The following PEX7 variants were observed in gnomAD, a reference collection of about 807,000 sequenced individuals.
PEX7 encodes peroxisomal biogenesis factor 7, also known as PTS2 receptor.
PEX7 carries 34 observed loss-of-function variants against 47.5 expected under a neutral mutation model. The observed-to-expected ratio is 0.72, with a 90% CI of 0.54 to 0.95. PEX7 has a LOEUF of 0.95. Ranked by LOEUF, PEX7 falls within the 40% of genes least tolerant of loss-of-function variation. PEX7 has a pLI of 0.00. For synonymous variants in PEX7, 141 were observed against 148.8 expected, an observed-to-expected ratio of 0.95 and a Z score of 0.38; for missense variants, 394 against 400.3, an observed-to-expected ratio of 0.98 and a Z score of 0.13.
At chr6:136,867,877 G>T (rs1775102598) in intron 6 of PEX7, among the ~76,000 whole-genome samples, 1 of 152,068 alleles carries the variant, frequency 6.6e-6, no homozygotes, top group Admixed American at 6.6e-5. Context: ...ATTGAAGAAA[G>T]GAAATAAAAA....
At chr6:136,912,410 T>C (rs1775948085) in intron 9 of PEX7, among the ~76,000 whole-genome samples, 1 of 152,212 alleles carries the variant, frequency 6.6e-6, no homozygotes, top group African/African-American at 2.4e-5. Flanking sequence ...ATGTGCAAAG[T>C]TGGGGTCAGG....
intron 1 of PEX7, among the ~76,000 whole-genome samples, chr6:136,824,576 G>T (rs918383608): frequency 6.6e-6 from 1 of 152,138 alleles, no homozygotes; most frequent in African/African-American, 2.4e-5. Context: ...ATTCAGTCAT[G>T]TTTAAATAGA....
intron 3 of PEX7, among the ~76,000 whole-genome samples, chr6:136,829,847 G>A (rs1355918705): frequency 2.0e-5 from 3 of 152,212 alleles, no homozygotes; most frequent in African/African-American, 7.2e-5. Flanking sequence ...TGAGGCACAA[G>A]AATCATTTGA....
chr6:136,857,278 G>T (rs911672592), intron 5 of PEX7, among the ~76,000 whole-genome samples: 1 of 152,102 alleles, frequency 6.6e-6, no homozygotes, highest in East Asian at 1.9e-4. Flanking sequence ...TTACATAGCC[G>T]AATGCCTTAC....
chr6:136,913,548 A>G lies in PEX7; in HGVS notation c.*22A>G, dbSNP rs1775966657. The G allele has an allele frequency of 9.9e-6, 15 of 1,519,378 alleles. No individual in the cohort carries two copies. The highest frequency in any genetic ancestry group is 1.4e-5 in the Non-Finnish European group (15 of 1,094,344). The allele number at this position is 1,519,378 out of a possible 1,614,324, so 94.1% of individuals were successfully genotyped here. A position where few individuals can be genotyped will look rare whatever the true frequency, so the allele number is the denominator to read the frequency against. ...TTGAGATACACTACTTTGGTCAGAA[A>G]CAGAGGATGTTGGCTGAAGAACTGC... On this transcript the variant is annotated 3_prime_UTR_variant, in exon 10 of 10. Transcript: ENST00000318471.
rs142943685 is a variant in PEX7, at chr6:136,835,004, A to G, written c.339+8535A>G. 5.6e-4 allele frequency among the ~76,000 whole-genome samples: 82 copies of G among 146,948 alleles called. No individual in the cohort carries two copies. In the East Asian group the frequency reaches 0.016, roughly 28 times the overall value. On this transcript the variant is annotated intron_variant, in intron 3 of 9. Transcript: ENST00000318471. ...GCCCAGGCTGGAGTGCAATGGTGCAATCTTGGCCCACTGCAACCTCCGCCT... is the reference window on the plus strand; with the variant it reads ...GCCCAGGCTGGAGTGCAATGGTGCAGTCTTGGCCCACTGCAACCTCCGCCT...
chr6:136,900,571 G>T lies in PEX7; in HGVS notation c.903+2330G>T. 4.9e-6 allele frequency: 2 copies of T among 408,960 alleles called. No homozygotes were observed. The highest frequency in any genetic ancestry group is 1.9e-5 in the South Asian group (1 of 53,702). 25.3% of individuals were successfully genotyped at this position (408,960 alleles called of 1,614,324 possible). ...GTCTTCCGAGTTAATCTGTGTGAAG[G>T]TGATGGTGGTGTGGGTCATCCTGTG... On this transcript the variant is annotated intron_variant, in intron 9 of 9. Coordinates refer to ENST00000318471, the MANE Select transcript of PEX7 (RefSeq NM_000288.4). The surrounding 1 kb of genome is among the most constrained non-coding windows in gnomAD (Gnocchi z 4.2).
At chr6:136,845,951 G>T (rs1415328273) in intron 4 of PEX7, 122 bp from the exon 5 acceptor site, 4 of 708,810 alleles carry the variant, frequency 5.6e-6, no homozygotes, top group Non-Finnish European at 1.0e-5. Flanking sequence ...AAATCCTTGA[G>T]ATCTGTATAT....
rs953575319 is a variant in PEX7, at chr6:136,895,977, G to T, written c.804-2165G>T. ...TAGCTGTATATTAGAGCAAATTCAGGTGGACTTTTTGAATAGAATCACAGT... is the reference window on the plus strand; with the variant it reads ...TAGCTGTATATTAGAGCAAATTCAGTTGGACTTTTTGAATAGAATCACAGT... On this transcript the variant is annotated intron_variant, in intron 8 of 9. Transcript: ENST00000318471. Among the ~76,000 whole-genome samples the T allele has an allele frequency of 4.6e-5, 7 of 152,252 alleles. No individual in the cohort carries two copies. In the South Asian group the frequency reaches 1.5e-3, roughly 32 times the overall value.
At chr6:136,873,250 C>T (rs1022638901) in intron 8 of PEX7, among the ~76,000 whole-genome samples, 6 of 152,072 alleles carry the variant, frequency 3.9e-5, no homozygotes, top group South Asian at 2.1e-4. Flanking sequence ...CATAATACAC[C>T]ATTGTGTGGA....
intron 8 of PEX7, among the ~76,000 whole-genome samples, chr6:136,882,792 G>GCCTGTAACATTTTCCTTCAT (rs1775399905): frequency 6.6e-6 from 1 of 151,896 alleles, no homozygotes; most frequent in Admixed American, 6.6e-5. Context: ...TTTTTCCTCA[G>GCCTGTAACATTTTCCTTCAT]CCTGTAACAT....
chr6:136,867,274 T>G (rs1290787830), intron 6 of PEX7, among the ~76,000 whole-genome samples: 1 of 152,170 alleles, frequency 6.6e-6, no homozygotes, highest in Non-Finnish European at 1.5e-5. Context: ...TAAATATGTG[T>G]TAATATACTA....
At chr6:136,893,545 A>G (rs1214183035) in intron 8 of PEX7, among the ~76,000 whole-genome samples, 1 of 152,202 alleles carries the variant, frequency 6.6e-6, no homozygotes. Context: ...TATGAGCCGC[A>G]CAGGAGGGCT....
intron 9 of PEX7, among the ~76,000 whole-genome samples, chr6:136,901,806 A>G (rs1335657047): frequency 6.6e-6 from 1 of 152,146 alleles, no homozygotes; most frequent in Non-Finnish European, 1.5e-5. Flanking sequence ...TTGTTTTGAG[A>G]TGGAATGTTG....
chr6:136,830,912 T>C (rs980047220), intron 3 of PEX7, among the ~76,000 whole-genome samples: 1 of 152,232 alleles, frequency 6.6e-6, no homozygotes, highest in African/African-American at 2.4e-5. Flanking sequence ...GAGCATTGCT[T>C]ATAAAAACTT....
At chr6:136,837,838 ACACACACG>A (rs1774422980) in intron 3 of PEX7, among the ~76,000 whole-genome samples, 1 of 151,966 alleles carries the variant, frequency 6.6e-6, no homozygotes, top group Non-Finnish European at 1.5e-5. Context: ...ACACACACAC[ACACACACG>A]TACATGTATT....
chr6:136,848,906 G>A (rs1774683969), intron 5 of PEX7, among the ~76,000 whole-genome samples: 1 of 152,240 alleles, frequency 6.6e-6, no homozygotes, highest in Admixed American at 6.5e-5. Flanking sequence ...CTATTGATTG[G>A]AATAGTTTCA....
chr6:136,853,383 G>C (rs1174366362), intron 5 of PEX7, among the ~76,000 whole-genome samples: 1 of 152,320 alleles, frequency 6.6e-6, no homozygotes, highest in Admixed American at 6.5e-5. Context: ...ACATTAGCTA[G>C]AGGAGGAGGT....
chr6:136,865,655 G>A (rs1028740082), intron 5 of PEX7, among the ~76,000 whole-genome samples: 4 of 152,178 alleles, frequency 2.6e-5, no homozygotes, highest in African/African-American at 9.7e-5. Flanking sequence ...GCACACATCT[G>A]TAATCCCAGC....
Sources: allele counts gnomAD v4.1 joint callset (sites outside exome capture counted in the v4.1 genomes callset), GRCh38; gene constraint gnomAD v4.1.1; non-coding constraint Gnocchi (gnomAD v3.1); transcripts MANE v1.5; gene names NCBI Gene and HGNC (gene_info 2026-07-23, HGNC 2026-07-21).